Variants in IMMP2L observed in about 807,000 individuals in gnomAD.
IMMP2L encodes the protein mitochondrial inner membrane protease subunit 2.
Under a neutral mutation model 19.3 loss-of-function variants are expected in IMMP2L, and 18 were observed. The ratio of observed to expected loss-of-function variants is 0.93; its 90% CI spans 0.64 to 1.38. IMMP2L has a LOEUF of 1.38. IMMP2L is among the 40% of genes most tolerant of loss of function. IMMP2L has a pLI of 0.00. For missense variants in IMMP2L, 233 were observed against 218.2 expected, an observed-to-expected ratio of 1.07 and a Z score of -0.43; for synonymous variants, 76 against 73.0, an observed-to-expected ratio of 1.04 and a Z score of -0.21.
chr7:111,227,147 A>C (rs1236451364), intron 3 of IMMP2L, among the ~76,000 whole-genome samples: 3 of 152,070 alleles, frequency 2.0e-5, no homozygotes, highest in Non-Finnish European at 4.4e-5. Context: ...ATTCTCTGGC[A>C]TTGGTAGCAC....
intron 3 of IMMP2L, among the ~76,000 whole-genome samples, chr7:111,402,587 A>G (rs1833524493): frequency 6.6e-6 from 1 of 151,898 alleles, no homozygotes; most frequent in Non-Finnish European, 1.5e-5. Context: ...AGCATGCACC[A>G]GAAGTCCCAG....
chr7:111,227,253 C>G (rs995686352), intron 3 of IMMP2L, among the ~76,000 whole-genome samples: 4 of 152,088 alleles, frequency 2.6e-5, no homozygotes, highest in African/African-American at 9.7e-5. Flanking sequence ...TCACACTATT[C>G]TGCATTCTTC....
rs1814618657 is a variant in IMMP2L at position 110,924,349 on chromosome 7, T to C, written c.306-37654A>G. Among the ~76,000 whole-genome samples the C allele has an allele frequency of 1.3e-5, 2 of 152,112 alleles. No individual in the cohort carries two copies. The highest frequency in any genetic ancestry group is 4.8e-5 in the African/African-American group (2 of 41,420). Reference sequence around the variant, plus strand: ...GGATCGGGATTTATTTTTGTTTCTCTTCTAAGAAGTCCTCTGGAGGTTCCA... The same window carrying C: ...GGATCGGGATTTATTTTTGTTTCTCCTCTAAGAAGTCCTCTGGAGGTTCCA... On this transcript the variant is annotated intron_variant, in intron 4 of 5. Transcript: ENST00000405709. This position sits in a 1 kb window ranked among gnomAD's most constrained non-coding sequence, Gnocchi z 4.2.
At chr7:111,432,429 G>A (rs1423581106) in intron 3 of IMMP2L, among the ~76,000 whole-genome samples, 1 of 151,738 alleles carries the variant, frequency 6.6e-6, no homozygotes, top group Non-Finnish European at 1.5e-5. Context: ...ATTAATAAAT[G>A]TGATACATTG....
intron 2 of IMMP2L, chr7:111,492,370 G>C: frequency 1.0e-6 from 1 of 982,616 alleles, no homozygotes; most frequent in Non-Finnish European, 1.2e-6. Flanking sequence ...CATACTAGAA[G>C]ACTCATAAGT....
At chr7:111,050,329 G>A (rs1792883735) in intron 3 of IMMP2L, among the ~76,000 whole-genome samples, 1 of 152,094 alleles carries the variant, frequency 6.6e-6, no homozygotes, top group African/African-American at 2.4e-5. Flanking sequence ...TCTGAAACTT[G>A]GGAGAAATTG....
chr7:111,265,214 A>G (rs1480488832), intron 3 of IMMP2L, among the ~76,000 whole-genome samples: 1 of 152,146 alleles, frequency 6.6e-6, no homozygotes, highest in Non-Finnish European at 1.5e-5. Context: ...ACGTGAGTAC[A>G]TTCTCTCCAA....
chr7:111,269,995 T>C (rs563291345), intron 3 of IMMP2L, among the ~76,000 whole-genome samples: 39 of 152,076 alleles, frequency 2.6e-4, no homozygotes, highest in South Asian at 1.0e-3. Flanking sequence ...CATGTTATTA[T>C]ATTAACCTAT....
chr7:110,681,706 A>G (rs923496544), intron 5 of IMMP2L, among the ~76,000 whole-genome samples: 1 of 152,210 alleles, frequency 6.6e-6, no homozygotes, highest in African/African-American at 2.4e-5. Context: ...TGTGAGACAC[A>G]GAATCAGGCC....
chr7:111,185,712 T>G (rs1808197005), intron 3 of IMMP2L, among the ~76,000 whole-genome samples: 1 of 152,188 alleles, frequency 6.6e-6, no homozygotes, highest in South Asian at 2.1e-4. Context: ...ATCTGCCAGA[T>G]CCTTTTGAAT....
At chr7:111,358,637 ACAACC>A (rs2130962719) in intron 3 of IMMP2L, among the ~76,000 whole-genome samples, 3 of 152,260 alleles carry the variant, frequency 2.0e-5, no homozygotes, top group Admixed American at 2.0e-4. Context: ...AATTCACCAG[ACAACC>A]CCACCCCCAA....
At chr7:110,893,243 A>G (rs1810987683) in intron 4 of IMMP2L, among the ~76,000 whole-genome samples, 1 of 152,158 alleles carries the variant, frequency 6.6e-6, no homozygotes, top group Non-Finnish European at 1.5e-5. Context: ...AAACCAACAT[A>G]TTCTTTTGGG....
intron 5 of IMMP2L, among the ~76,000 whole-genome samples, chr7:110,879,338 A>G (rs1486234408): frequency 6.6e-6 from 1 of 151,780 alleles, no homozygotes; most frequent in African/African-American, 2.4e-5. Context: ...CAGTGAGCTG[A>G]GATTGTGCCA....
chr7:111,420,895 G>A (rs1260385151), intron 3 of IMMP2L, among the ~76,000 whole-genome samples: 5 of 151,758 alleles, frequency 3.3e-5, no homozygotes, highest in Admixed American at 3.3e-4. Flanking sequence ...ATAGTAGCAT[G>A]ATTTATAATC....
intron 4 of IMMP2L, among the ~76,000 whole-genome samples, chr7:110,950,476 G>C (rs1817676876): frequency 6.6e-6 from 1 of 151,994 alleles, no homozygotes; most frequent in Non-Finnish European, 1.5e-5. Context: ...CTGTTGGTTA[G>C]AATGCAAAGT....
In IMMP2L at chr7:111,240,678, C is replaced by A. The variant is rs767614084; in HGVS notation, c.239+246560G>T. ...ATTTTCTTTTAACAGATTTTTGTTGCGGTCAAGTATGTTATAAAGGCTAGC... is the reference window on the plus strand; with the variant it reads ...ATTTTCTTTTAACAGATTTTTGTTGAGGTCAAGTATGTTATAAAGGCTAGC... On this transcript the variant is annotated intron_variant, in intron 3 of 5. Transcript: ENST00000405709. Among the ~76,000 whole-genome samples, 83 of 152,006 alleles carry A rather than the reference C, an allele frequency of 5.5e-4. 1 individual carries two copies. Among genetic ancestry groups the A allele is most frequent in the Non-Finnish European group, 8.3e-4 (56 of 67,872 alleles).
At chr7:111,218,629 G>A (rs573410801) in intron 3 of IMMP2L, among the ~76,000 whole-genome samples, 50 of 152,008 alleles carry the variant, frequency 3.3e-4, no homozygotes, top group African/African-American at 1.2e-3. Flanking sequence ...TGAAAGTCTC[G>A]AGATGGGAGA....
At chr7:111,157,913 A>G (rs1465838489) in intron 3 of IMMP2L, among the ~76,000 whole-genome samples, 1 of 152,018 alleles carries the variant, frequency 6.6e-6, no homozygotes, top group Non-Finnish European at 1.5e-5. Context: ...AGAGAAAACC[A>G]TAATTAAACA....
intron 3 of IMMP2L, among the ~76,000 whole-genome samples, chr7:111,376,479 G>A (rs1024826415): frequency 1.3e-5 from 2 of 152,166 alleles, no homozygotes; most frequent in East Asian, 3.9e-4. Flanking sequence ...AGCAGCTTCC[G>A]AAAACAGTTT....
Sources: allele counts gnomAD v4.1 joint callset (sites outside exome capture counted in the v4.1 genomes callset), GRCh38; gene constraint gnomAD v4.1.1; non-coding constraint Gnocchi (gnomAD v3.1); transcripts MANE v1.5; gene names NCBI Gene and HGNC (gene_info 2026-07-23, HGNC 2026-07-21).